KHDRBS2: variants seen among roughly 807,000 people sequenced by gnomAD.
The protein encoded by KHDRBS2 is KH RNA binding domain containing, signal transduction associated 2.
KHDRBS2 carries 26 observed loss-of-function variants against 44.3 expected under a neutral mutation model. That is an observed-to-expected ratio of 0.59 (90% CI 0.43 to 0.81). KHDRBS2 has a LOEUF of 0.81. Ranked by LOEUF, KHDRBS2 falls within the 40% of genes least tolerant of loss-of-function variation. The pLI is 0.00. For synonymous variants in KHDRBS2, 194 were observed against 151.1 expected, an observed-to-expected ratio of 1.28 and a Z score of -2.08; for missense variants, 476 against 433.1, an observed-to-expected ratio of 1.10 and a Z score of -0.88.
intron 6 of KHDRBS2, among the ~76,000 whole-genome samples, chr6:61,774,467 T>C (rs1411355571): frequency 6.6e-6 from 1 of 152,110 alleles, no homozygotes; most frequent in African/African-American, 2.4e-5. Context: ...ACAAAATCAA[T>C]GTACAAAAAT....
intron 8 of KHDRBS2, among the ~76,000 whole-genome samples, chr6:61,683,876 A>G (rs1766555473): frequency 6.6e-6 from 1 of 151,878 alleles, no homozygotes; most frequent in Admixed American, 6.6e-5. Context: ...TGGAAAAGTA[A>G]ATCGCCAGCC....
chr6:61,681,685 A>G (rs542022936), intron 8 of KHDRBS2, among the ~76,000 whole-genome samples: 1 of 152,038 alleles, frequency 6.6e-6, no homozygotes, highest in East Asian at 2.0e-4. Flanking sequence ...CAACTCAGTA[A>G]ATAAAGAAGT....
At chr6:61,620,075 G>A in the KHDRBS2 span, among the ~76,000 whole-genome samples, 1 of 151,656 alleles carries the variant, frequency 6.6e-6, no homozygotes. Context: ...CATTGCTGTT[G>A]GCTATTTCCC....
rs565956804 is a variant in KHDRBS2, at chr6:61,714,576, C to G, written c.894-17323G>C. On this transcript the variant is annotated intron_variant, in intron 7 of 8. Transcript: ENST00000281156. The stretch of plus-strand genomic sequence containing the variant: ...AGGAAAATAAATCATTTTATATATA[C>G]GTATAAAAAATACCTGCACTCATAT... Among the ~76,000 whole-genome samples, 97 of 151,704 alleles carry G rather than the reference C, an allele frequency of 6.4e-4. 1 individual carries two copies. Among genetic ancestry groups the G allele is most frequent in the African/African-American group, 2.2e-3 (92 of 41,458 alleles).
At chr6:62,241,711 G>C (rs1834703643) in intron 1 of KHDRBS2, among the ~76,000 whole-genome samples, 1 of 148,066 alleles carries the variant, frequency 6.8e-6, no homozygotes, top group Admixed American at 6.6e-5. Context: ...TTGACCACAG[G>C]GATAATAAAG....
chr6:61,824,602 C>T (rs529503533), intron 6 of KHDRBS2, among the ~76,000 whole-genome samples: 2 of 152,204 alleles, frequency 1.3e-5, no homozygotes, highest in South Asian at 4.2e-4. Context: ...TTCTACTTTG[C>T]CCTAAAATTG....
chr6:61,708,185 T>A (rs2127549230), intron 7 of KHDRBS2, among the ~76,000 whole-genome samples: 1 of 151,752 alleles, frequency 6.6e-6, no homozygotes, highest in Admixed American at 6.6e-5. Flanking sequence ...GAATTCAGTT[T>A]CCTTACATTC....
At chr6:61,805,998 A>C (rs1787097550) in intron 6 of KHDRBS2, among the ~76,000 whole-genome samples, 2 of 152,194 alleles carry the variant, frequency 1.3e-5, no homozygotes, top group South Asian at 4.1e-4. Context: ...GTGGGATATG[A>C]ACCCAGGAAG....
chr6:61,655,108 C>T, the KHDRBS2 span, among the ~76,000 whole-genome samples: 71 of 151,784 alleles, frequency 4.7e-4, no homozygotes, highest in African/African-American at 1.6e-3. Flanking sequence ...TGCCCAGAAA[C>T]AACACAAAAC....
chr6:61,925,923 A>G (rs1311493048), intron 4 of KHDRBS2, among the ~76,000 whole-genome samples: 1 of 152,132 alleles, frequency 6.6e-6, no homozygotes, highest in Non-Finnish European at 1.5e-5. Context: ...TATGTTTTGC[A>G]TGTTTTAAAT....
intron 3 of KHDRBS2, among the ~76,000 whole-genome samples, chr6:62,006,658 C>T (rs748251391): frequency 6.6e-6 from 1 of 151,946 alleles, no homozygotes; most frequent in Non-Finnish European, 1.5e-5. Context: ...TACTGATCCG[C>T]TTTATCCTAT....
intron 5 of KHDRBS2, among the ~76,000 whole-genome samples, chr6:61,899,898 A>G (rs957032020): frequency 1.3e-5 from 2 of 152,008 alleles, no homozygotes; most frequent in African/African-American, 2.4e-5. Flanking sequence ...AATCCATTAA[A>G]GATGACTAGC....
intron 7 of KHDRBS2, among the ~76,000 whole-genome samples, chr6:61,715,247 A>G (rs751130723): frequency 6.6e-6 from 1 of 151,922 alleles, no homozygotes; most frequent in South Asian, 2.1e-4. Context: ...TGGAGAATTT[A>G]TTGAGCTCAG....
chr6:61,567,012 A>T, the KHDRBS2 span, among the ~76,000 whole-genome samples: 1 of 152,206 alleles, frequency 6.6e-6, no homozygotes, highest in Non-Finnish European at 1.5e-5. Flanking sequence ...AGCTAATGGG[A>T]CATTACTAGA....
At chr6:62,161,545 C>G (rs1229523518) in intron 2 of KHDRBS2, among the ~76,000 whole-genome samples, 1 of 116,658 alleles carries the variant, frequency 8.6e-6, no homozygotes. Context: ...AAATAAGGAA[C>G]TTGAGCATCC....
chr6:62,156,750 C>T (rs1816487078), intron 2 of KHDRBS2, among the ~76,000 whole-genome samples: 1 of 151,828 alleles, frequency 6.6e-6, no homozygotes, highest in African/African-American at 2.4e-5. Flanking sequence ...CGGCTCACTG[C>T]AAGCTCCGCC....
chr6:61,893,885 A>C (rs1481534512), intron 6 of KHDRBS2, among the ~76,000 whole-genome samples: 1 of 151,118 alleles, frequency 6.6e-6, no homozygotes, highest in Non-Finnish European at 1.5e-5. Context: ...GTACCCTAAA[A>C]CTTAAAGTAT....
intron 3 of KHDRBS2, 134 bp from the exon 4 acceptor site, chr6:61,978,346 C>A (rs1450982966): frequency 5.1e-6 from 3 of 583,606 alleles, no homozygotes; most frequent in Non-Finnish European, 8.7e-6. Context: ...CTCAAAGAAA[C>A]CCTTTGAGAA....
chr6:61,912,043 A>C (rs1016393464), intron 4 of KHDRBS2, among the ~76,000 whole-genome samples: 7 of 152,210 alleles, frequency 4.6e-5, no homozygotes, highest in Non-Finnish European at 8.8e-5. Flanking sequence ...TCTAACACAG[A>C]AAATTAGCAA....
Sources: allele counts gnomAD v4.1 joint callset (sites outside exome capture counted in the v4.1 genomes callset), GRCh38; gene constraint gnomAD v4.1.1; transcripts MANE v1.5; gene names NCBI Gene and HGNC (gene_info 2026-07-23, HGNC 2026-07-21).